UVRAG: variants seen among roughly 807,000 people sequenced by gnomAD.
UVRAG encodes the protein UV radiation resistance associated.
A neutral mutation model predicts 78.0 loss-of-function variants in UVRAG; 19 were observed. That is an observed-to-expected ratio of 0.24 (90% CI 0.17 to 0.36). The LOEUF (loss-of-function observed/expected upper bound fraction) is 0.36, where lower values mean the gene tolerates loss of function less well. Among genes scored for constraint, UVRAG ranks in the 10% least tolerant of loss-of-function variants. The probability of loss-of-function intolerance (pLI) is 1.00; values close to 1 mark genes in which losing one functional copy is unlikely to be tolerated. For missense variants in UVRAG, 740 were observed against 853.8 expected, an observed-to-expected ratio of 0.87 and a Z score of 1.66; for synonymous variants, 323 against 324.6, an observed-to-expected ratio of 1.00 and a Z score of 0.05.
At chr11:75,887,669 G>A (rs570278488) in intron 4 of UVRAG, among the ~76,000 whole-genome samples, 35 of 151,006 alleles carry the variant, frequency 2.3e-4, no homozygotes, top group African/African-American at 8.0e-4. Flanking sequence ...GGATGGTCTC[G>A]ATCTCCTGAC....
chr11:75,932,506 G>C (rs545298097), intron 6 of UVRAG, among the ~76,000 whole-genome samples: 1 of 151,886 alleles, frequency 6.6e-6, no homozygotes, highest in Non-Finnish European at 1.5e-5. Flanking sequence ...GGATGGTCTC[G>C]ATCTCCTGAG....
At chr11:75,999,083 A>T (rs756633705) in intron 8 of UVRAG, among the ~76,000 whole-genome samples, 2 of 151,930 alleles carry the variant, frequency 1.3e-5, no homozygotes, top group Non-Finnish European at 2.9e-5. Flanking sequence ...AAATACAAAA[A>T]TTAGCCAGAC....
chr11:75,920,260 C>T (rs1016726941), intron 6 of UVRAG, among the ~76,000 whole-genome samples: 3 of 150,704 alleles, frequency 2.0e-5, no homozygotes, highest in African/African-American at 4.9e-5. Flanking sequence ...TTCCTGACCT[C>T]GTGATCCACC....
intron 13 of UVRAG, among the ~76,000 whole-genome samples, chr11:76,114,549 T>C (rs542722717): frequency 6.6e-6 from 1 of 152,316 alleles, no homozygotes; most frequent in East Asian, 1.9e-4. Context: ...TTGGCTGAAA[T>C]AATATTCAAG....
chr11:75,886,324 C>A lies in UVRAG; in HGVS notation c.433-2505C>A, dbSNP rs114069233. 5.0e-3 allele frequency among the ~76,000 whole-genome samples: 763 copies of A among 152,146 alleles called. 7 individuals are homozygous for A. The highest frequency in any genetic ancestry group is 0.017 in the African/African-American group (719 of 41,536). ...TTCTTTAAGTGTATATTTTTATTTTCTTCTAATTTTGTTTGTGGACAATTT... is the reference window on the plus strand; with the variant it reads ...TTCTTTAAGTGTATATTTTTATTTTATTCTAATTTTGTTTGTGGACAATTT... On this transcript the variant is annotated intron_variant, in intron 4 of 14. Transcript: ENST00000356136.
rs1224378610 is a variant in UVRAG, at chr11:75,862,095, TAAAA to T, written c.270+319_270+322del. ...AACTTACAGTATAATAATAATAAAA[TAAAA>T]AAAGAAAAAAATATTTACTGAATGA... On this transcript the variant is annotated intron_variant, in intron 3 of 14. Coordinates refer to ENST00000356136, the MANE Select transcript of UVRAG (RefSeq NM_003369.4). Among the ~76,000 whole-genome samples, 5 of 151,936 alleles carry T rather than the reference TAAAA, an allele frequency of 3.3e-5. No individual in the cohort carries two copies. The East Asian group carries it at 9.7e-4, about 29-fold the overall frequency.
chr11:76,100,218 A>AT (rs1951853886), intron 13 of UVRAG, among the ~76,000 whole-genome samples: 1 of 152,144 alleles, frequency 6.6e-6, no homozygotes, highest in Non-Finnish European at 1.5e-5. Flanking sequence ...CCAAAAGGAG[A>AT]TAAAGTCAGA....
chr11:75,851,798 C>T, intron 1 of UVRAG, 85 bp from the exon 2 acceptor site: 2 of 996,944 alleles, frequency 2.0e-6, no homozygotes, highest in Middle Eastern at 2.1e-4. Context: ...CAACTTATTA[C>T]ATTTCATTTT....
chr11:75,863,781 C>A (rs1405914198), intron 3 of UVRAG, among the ~76,000 whole-genome samples: 1 of 152,106 alleles, frequency 6.6e-6, no homozygotes, highest in Non-Finnish European at 1.5e-5. Flanking sequence ...CTTGTAGGTC[C>A]CTTTCAACTC....
intron 14 of UVRAG, among the ~76,000 whole-genome samples, chr11:76,138,074 C>T (rs1030014821): frequency 6.6e-6 from 1 of 152,186 alleles, no homozygotes; most frequent in East Asian, 1.9e-4. Context: ...TACCAAAGTT[C>T]CCACCTCTCA....
intron 8 of UVRAG, 46 bp from the exon 9 acceptor site, chr11:76,003,959 T>G (rs1171048826): frequency 1.3e-6 from 2 of 1,548,750 alleles, no homozygotes; most frequent in Non-Finnish European, 1.8e-6. Context: ...TGTGATTGAG[T>G]AATCCTATGT....
intron 6 of UVRAG, among the ~76,000 whole-genome samples, chr11:75,942,699 T>G (rs1391783549): frequency 6.6e-6 from 1 of 152,168 alleles, no homozygotes; most frequent in Admixed American, 6.6e-5. Context: ...TACAGCTGTT[T>G]ATCAGACACA....
At chr11:75,978,323 G>C (rs1373283206) in intron 7 of UVRAG, among the ~76,000 whole-genome samples, 1 of 151,960 alleles carries the variant, frequency 6.6e-6, no homozygotes, top group Non-Finnish European at 1.5e-5. Flanking sequence ...TTTCAACTTT[G>C]GTGAATCTGA....
At chr11:75,983,246 T>G in intron 7 of UVRAG, 141 bp from the exon 8 acceptor site, 1 of 689,712 alleles carries the variant, frequency 1.4e-6, no homozygotes, top group Non-Finnish European at 2.2e-6. Context: ...TGCTGGTAAT[T>G]AAGTTACTCA....
intron 4 of UVRAG, among the ~76,000 whole-genome samples, chr11:75,885,911 C>G (rs1208724666): frequency 6.6e-6 from 1 of 151,352 alleles, no homozygotes; most frequent in Non-Finnish European, 1.5e-5. Flanking sequence ...CATCTAATTT[C>G]CAAAAATACT....
chr11:75,889,890 A>C (rs142166372), intron 5 of UVRAG, among the ~76,000 whole-genome samples: 1 of 152,240 alleles, frequency 6.6e-6, no homozygotes, highest in African/African-American at 2.4e-5. Context: ...AACCTATTCT[A>C]AGGGCTCAAG....
At chr11:75,836,229 T>G (rs922648153) in intron 1 of UVRAG, among the ~76,000 whole-genome samples, 1 of 152,160 alleles carries the variant, frequency 6.6e-6, no homozygotes, top group Non-Finnish European at 1.5e-5. Context: ...GAATCTCAGG[T>G]CCCACCATAG....
At chr11:75,965,016 T>G (rs1348647610) in intron 7 of UVRAG, among the ~76,000 whole-genome samples, 1 of 152,236 alleles carries the variant, frequency 6.6e-6, no homozygotes, top group Non-Finnish European at 1.5e-5. Context: ...ATTTGTCATC[T>G]TAAAATTTGA....
intron 13 of UVRAG, among the ~76,000 whole-genome samples, chr11:76,082,337 G>A (rs1591215293): frequency 1.3e-5 from 2 of 151,704 alleles, no homozygotes; most frequent in South Asian, 2.1e-4. Context: ...TCAGGAGATC[G>A]AGACCATCCT....
Sources: allele counts gnomAD v4.1 joint callset (sites outside exome capture counted in the v4.1 genomes callset), GRCh38; gene constraint gnomAD v4.1.1; transcripts MANE v1.5; gene names NCBI Gene and HGNC (gene_info 2026-07-23, HGNC 2026-07-21).